Variants in DDX54 observed in about 807,000 individuals in gnomAD.
DDX54 encodes the protein ATP-dependent RNA helicase DDX54.
In DDX54, 67 loss-of-function variants were observed where a neutral mutation model predicts 105.5. The ratio of observed to expected loss-of-function variants is 0.64; its 90% CI spans 0.52 to 0.78. The LOEUF (loss-of-function observed/expected upper bound fraction) is 0.78. Ranked by LOEUF, DDX54 falls within the 30% of genes least tolerant of loss-of-function variation. The probability of loss-of-function intolerance (pLI) is 0.00; values close to 1 mark genes in which losing one functional copy is unlikely to be tolerated. For missense variants in DDX54, 1,206 were observed against 1,230.5 expected, an observed-to-expected ratio of 0.98 and a Z score of 0.30; for synonymous variants, 514 against 509.9, an observed-to-expected ratio of 1.01 and a Z score of -0.11.
At chr12:113,179,632 C>T (rs1410616885) in intron 3 of DDX54, among the ~76,000 whole-genome samples, 4 of 152,108 alleles carry the variant, frequency 2.6e-5, no homozygotes, top group Non-Finnish European at 5.9e-5. Flanking sequence ...TCCCACTGGG[C>T]GAAATGTCTA....
At chr12:113,178,841 C>T (rs560636591) in intron 5 of DDX54, 136 bp downstream of exon 5, 3 of 1,228,592 alleles carry the variant, frequency 2.4e-6, no homozygotes, top group East Asian at 2.6e-5. Context: ...CTGGGCCCGG[C>T]CTTGTTGGGT....
chr12:113,169,811 C>A lies in DDX54; in HGVS notation c.1373G>T (p.Gly458Val). ...GGGTCGGGCGAGGGTGAGGGAGCGGCCCAGGAACAGGTGCAGATCCAGCAG... is the reference window on the plus strand; with the variant it reads ...GGGTCGGGCGAGGGTGAGGGAGCGGACCAGGAACAGGTGCAGATCCAGCAG... ...PYLLDLHLFL[G>V]RSLTLARPLK... Residue 458 changes from glycine to valine, a missense_variant, in exon 12 of 20, where the codon GGC becomes GTC. By Grantham distance (109) the Gly-to-Val change is moderately radical. This residue lies in a region of DDX54 where 961 missense variants were observed against 1,019.1 expected (regional missense o/e 0.94). Transcript: ENST00000306014. 6.2e-7 allele frequency: 1 copy of A among 1,614,100 alleles called. No homozygotes were observed. Among genetic ancestry groups the A allele is most frequent in the Non-Finnish European group, 8.5e-7 (1 of 1,180,030 alleles).
chr12:113,158,412 CCT>C lies in DDX54; in HGVS notation c.*463_*464del, dbSNP rs1366341621. The C allele has an allele frequency of 6.4e-6, 1 of 155,654 alleles. No individual in the cohort carries two copies. The highest frequency in any genetic ancestry group is 2.4e-5 in the African/African-American group (1 of 41,594). 9.6% of individuals were successfully genotyped at this position (155,654 alleles called of 1,614,324 possible). On this transcript the variant is annotated 3_prime_UTR_variant, in exon 20 of 20. Transcript: ENST00000306014. The surrounding 1 kb of genome is among the most constrained non-coding windows in gnomAD (Gnocchi z 4.9). ...ACTCACCCTCAGGAGACCCGCAACT[CCT>C]CTGCCACGTTAGCTGGGATTTTAGT...
Position 113,182,871 on chromosome 12 carries a change from C to T in DDX54, c.175-1813G>A, listed in dbSNP as rs564576444. 2.0e-5 allele frequency among the ~76,000 whole-genome samples: 3 copies of T among 148,950 alleles called. No homozygotes were observed. In the South Asian group the frequency reaches 6.4e-4, roughly 32 times the overall value. On this transcript the variant is annotated intron_variant, in intron 1 of 19. Transcript: ENST00000306014. The stretch of plus-strand genomic sequence containing the variant: ...CACGCCCAGCCTCCTTTGGTCTTTT[C>T]AACACTTTTTTTTTTTTTTTGAGAC...
intron 1 of DDX54, among the ~76,000 whole-genome samples, chr12:113,184,913 C>T (rs886535920): frequency 6.6e-6 from 1 of 152,254 alleles, no homozygotes; most frequent in African/African-American, 2.4e-5. Flanking sequence ...TTAATTCAAC[C>T]TCCCAAGAAC....
intron 11 of DDX54, 88 bp from the exon 12 acceptor site, chr12:113,169,992 G>C: frequency 6.5e-7 from 1 of 1,534,120 alleles, no homozygotes; most frequent in Non-Finnish European, 8.8e-7. Flanking sequence ...GAGCAGGTGA[G>C]CCTGGCCAAG....
chr12:113,157,798 A>C lies in DDX54; in HGVS notation c.*1079T>G. 1 of 835,082 alleles carries C rather than the reference A, an allele frequency of 1.2e-6. No homozygotes were observed. The highest frequency in any genetic ancestry group is 1.9e-6 in the Non-Finnish European group (1 of 516,978). 51.7% of individuals were successfully genotyped at this position (835,082 alleles called of 1,614,324 possible). On this transcript the variant is annotated 3_prime_UTR_variant, in exon 20 of 20. Transcript: ENST00000306014. ...TTCCTGAATCCGTTTCCTCATTGGG[A>C]AGATGGGAGGGCTGTGCCTGTTCAG...
intron 1 of DDX54, among the ~76,000 whole-genome samples, chr12:113,182,995 C>A (rs1952484541): frequency 6.6e-6 from 1 of 151,782 alleles, no homozygotes; most frequent in Non-Finnish European, 1.5e-5. Flanking sequence ...GTAGCTGGGA[C>A]TACAGGCACA....
intron 14 of DDX54, among the ~76,000 whole-genome samples, chr12:113,164,870 A>G (rs1267728406): frequency 2.0e-5 from 3 of 148,088 alleles, no homozygotes; most frequent in Admixed American, 1.3e-4. Context: ...TACAAAAAAT[A>G]AAAAAAAATA....
In DDX54 at chr12:113,185,264, C is replaced by T. The variant is rs781252499; in HGVS notation, c.174+14G>A. On this transcript the variant is annotated intron_variant, in intron 1 of 19. Transcript: ENST00000306014. ...TCTCGGGCCCGAACATGCGTCCCAG[C>T]CCCACGCGCCTACCTTCCGGGCCCG... 13 of 1,538,802 alleles carry T rather than the reference C, an allele frequency of 8.4e-6. No individual in the cohort carries two copies. The highest frequency in any genetic ancestry group is 1.1e-5 in the Non-Finnish European group (13 of 1,146,312).
At chr12:113,174,985 C>T (rs1245600953) in intron 8 of DDX54, 49 bp from the exon 9 acceptor site, 4 of 1,610,308 alleles carry the variant, frequency 2.5e-6, no homozygotes, top group East Asian at 4.5e-5. Context: ...GGACTGGCCC[C>T]CAGGCCCCAG....
At chr12:113,162,072 T>G in intron 17 of DDX54, 75 bp from the exon 18 acceptor site, 1 of 1,353,298 alleles carries the variant, frequency 7.4e-7, no homozygotes, top group Non-Finnish European at 1.0e-6. Context: ...GGGGCCTGTC[T>G]CCTCACCCGA....
intron 10 of DDX54, among the ~76,000 whole-genome samples, 171 bp downstream of exon 10, chr12:113,174,469 A>T (rs1473826889): frequency 6.6e-6 from 1 of 152,222 alleles, no homozygotes; most frequent in Non-Finnish European, 1.5e-5. Flanking sequence ...CCTGGATGGC[A>T]GAGCGAGGCT....
At chr12:113,168,014 G>C in intron 12 of DDX54, 1 of 479,924 alleles carries the variant, frequency 2.1e-6, no homozygotes, top group Admixed American at 2.1e-5. Context: ...ATGCCCTTTA[G>C]GCGCCCCTTC....
intron 1 of DDX54, among the ~76,000 whole-genome samples, chr12:113,181,291 CA>C (rs1426703561): frequency 6.7e-6 from 1 of 148,606 alleles, no homozygotes. Flanking sequence ...AAAGTAAGTA[CA>C]TTTTTTTTTT....
Position 113,165,931 on chromosome 12 carries a change from G to T in DDX54, c.1516C>A (p.Arg506=). Residue 506 remains arginine, a synonymous_variant, in exon 13 of 20, where the codon CGG becomes AGG. Transcript: ENST00000306014. ...QSTLEASLEL[R]GLARVADNAQ... ...TTATCAGCAACGCGGGCCAGGCCCC[G>T]TAGCTCCAGCGATGCCTCCAGGGTG... 1 of 1,613,708 alleles carries T rather than the reference G, an allele frequency of 6.2e-7. No individual in the cohort carries two copies.
intron 1 of DDX54, among the ~76,000 whole-genome samples, chr12:113,182,034 A>C (rs1264162624): frequency 6.6e-6 from 1 of 152,220 alleles, no homozygotes; most frequent in East Asian, 1.9e-4. Context: ...GCAATTCATA[A>C]GAGTGGCTGA....
intron 7 of DDX54, among the ~76,000 whole-genome samples, chr12:113,175,852 C>T (rs1952396285): frequency 6.6e-6 from 1 of 152,036 alleles, no homozygotes; most frequent in East Asian, 1.9e-4. Flanking sequence ...ACTCAGGAGG[C>T]TGACATGGGA....
rs974357488 is a variant in DDX54, at chr12:113,157,296, A to G, written c.*1581T>C. ...ACAAACCAATGAATATGACTGATCC[A>G]GTTACAAGAAAATAAAGCTGATTGA... On this transcript the variant is annotated 3_prime_UTR_variant, in exon 20 of 20. Coordinates refer to ENST00000306014, the MANE Select transcript of DDX54 (RefSeq NM_024072.4). 37 of 414,206 alleles carry G rather than the reference A, an allele frequency of 8.9e-5. No individual in the cohort carries two copies. Among genetic ancestry groups the G allele is most frequent in the Admixed American group, 1.5e-4 (4 of 26,310 alleles). The allele number at this position is 414,206 out of a possible 1,614,324, so 25.7% of individuals were successfully genotyped here.
Sources: allele counts gnomAD v4.1 joint callset (sites outside exome capture counted in the v4.1 genomes callset), GRCh38; gene constraint gnomAD v4.1.1; regional missense constraint gnomAD v4.1.1; non-coding constraint Gnocchi (gnomAD v3.1); transcripts MANE v1.5; gene names NCBI Gene and HGNC (gene_info 2026-07-23, HGNC 2026-07-21).